EBF1: variants seen among roughly 807,000 people sequenced by gnomAD.
The protein encoded by EBF1 is transcription factor COE1.
In EBF1, 10 loss-of-function variants were observed where a neutral mutation model predicts 68.4. That is an observed-to-expected ratio of 0.15 (90% CI 0.09 to 0.25). EBF1 has a LOEUF of 0.25. Among genes scored for constraint, EBF1 ranks in the 10% least tolerant of loss-of-function variants. The pLI is 1.00. For synonymous variants in EBF1, 298 were observed against 299.8 expected, an observed-to-expected ratio of 0.99 and a Z score of 0.06; for missense variants, 509 against 794.4, an observed-to-expected ratio of 0.64 and a Z score of 4.32.
chr5:159,082,192 C>T (rs934905327), intron 5 of EBF1, among the ~76,000 whole-genome samples: 1 of 151,976 alleles, frequency 6.6e-6, no homozygotes, highest in Admixed American at 6.6e-5. Flanking sequence ...CTTGTCTTGT[C>T]GATCTAAATT....
At chr5:158,892,108 A>G (rs1033421384) in intron 6 of EBF1, among the ~76,000 whole-genome samples, 5 of 148,834 alleles carry the variant, frequency 3.4e-5, no homozygotes, top group Admixed American at 6.7e-5. Flanking sequence ...ACATACACAC[A>G]CATATTTATA....
Position 158,727,394 on chromosome 5 carries a change from T to C in EBF1, c.1125+3675A>G, listed in dbSNP as rs140283091. On this transcript the variant is annotated intron_variant, in intron 11 of 15. Coordinates refer to ENST00000313708, the MANE Select transcript of EBF1 (RefSeq NM_024007.5). Reference sequence around the variant, plus strand: ...CGCTCCTTGCCCAATGTGTCTGGATTGCATCACTGCGGCCATCAGCATCTC... The same window carrying C: ...CGCTCCTTGCCCAATGTGTCTGGATCGCATCACTGCGGCCATCAGCATCTC... Among the ~76,000 whole-genome samples, 630 of 152,332 alleles carry C rather than the reference T, an allele frequency of 4.1e-3. 1 individual carries two copies. Among genetic ancestry groups the C allele is most frequent in the Middle Eastern group, 0.01 (3 of 294 alleles).
chr5:158,946,929 G>GC (rs1814874154), intron 6 of EBF1, among the ~76,000 whole-genome samples: 1 of 152,234 alleles, frequency 6.6e-6, no homozygotes, highest in Non-Finnish European at 1.5e-5. Context: ...CAGCGGCTCT[G>GC]TGGCACTGCA....
intron 6 of EBF1, among the ~76,000 whole-genome samples, chr5:158,909,957 A>T (rs375213516): frequency 3.3e-3 from 98 of 29,314 alleles, no homozygotes; most frequent in African/African-American, 0.012. Context: ...CTCTGTCTAT[A>T]AAAAAAAAAA....
At position 158,874,342 on chromosome 5, in the gene EBF1, T is replaced by C. The variant is rs1797416629; in HGVS notation, c.555-34232A>G. On this transcript the variant is annotated intron_variant, in intron 6 of 15. Coordinates refer to ENST00000313708, the MANE Select transcript of EBF1 (RefSeq NM_024007.5). ...GCATGTTCCTACCCTCAAATAAATA[T>C]CAAGAATATAATCTATGTGGAAGAA... Among the ~76,000 whole-genome samples the C allele has an allele frequency of 2.0e-5, 3 of 152,038 alleles. No individual in the cohort carries two copies. In the South Asian group the frequency reaches 6.2e-4, roughly 32 times the overall value.
At chr5:158,763,165 C>T (rs557425108) in intron 10 of EBF1, among the ~76,000 whole-genome samples, 2 of 152,316 alleles carry the variant, frequency 1.3e-5, no homozygotes, top group African/African-American at 2.4e-5. Flanking sequence ...CACCAGGGGA[C>T]TGAGGCACAA....
At chr5:158,973,166 T>C (rs1240515990) in intron 6 of EBF1, among the ~76,000 whole-genome samples, 1 of 152,226 alleles carries the variant, frequency 6.6e-6, no homozygotes, top group African/African-American at 2.4e-5. Context: ...AGGGATTTTT[T>C]CACTCTTTTA....
At chr5:159,085,782 A>G (rs1195688197) in intron 4 of EBF1, among the ~76,000 whole-genome samples, 3 of 152,084 alleles carry the variant, frequency 2.0e-5, no homozygotes, top group Non-Finnish European at 4.4e-5. Context: ...AATATAGTAT[A>G]TATATCTTTA....
At chr5:158,763,017 A>C (rs954986936) in intron 10 of EBF1, among the ~76,000 whole-genome samples, 3 of 152,168 alleles carry the variant, frequency 2.0e-5, no homozygotes, top group Non-Finnish European at 4.4e-5. Context: ...ATCTCTTCTC[A>C]AACAGGTTTT....
intron 9 of EBF1, among the ~76,000 whole-genome samples, chr5:158,787,903 C>A (rs565278456): frequency 2.0e-5 from 3 of 152,280 alleles, no homozygotes; most frequent in African/African-American, 4.8e-5. Context: ...ACAATTATAT[C>A]TAAATATAAA....
intron 10 of EBF1, among the ~76,000 whole-genome samples, chr5:158,741,575 TAA>T (rs79547768): frequency 1.0e-3 from 129 of 128,990 alleles, no homozygotes; most frequent in Non-Finnish European, 9.6e-4. Flanking sequence ...ACCCTGTCTT[TAA>T]AAAAAAAAAA....
intron 6 of EBF1, among the ~76,000 whole-genome samples, chr5:158,931,286 C>T (rs1391683732): frequency 1.3e-5 from 2 of 152,204 alleles, no homozygotes; most frequent in Non-Finnish European, 2.9e-5. Flanking sequence ...ACATACTCCA[C>T]ACTTATTTAC....
chr5:158,855,505 G>A (rs1335096532), intron 6 of EBF1, among the ~76,000 whole-genome samples: 1 of 152,130 alleles, frequency 6.6e-6, no homozygotes, highest in Non-Finnish European at 1.5e-5. Flanking sequence ...AGAATGCCAA[G>A]CTCTTCCCCA....
chr5:159,025,652 A>C (rs910261431), intron 6 of EBF1, among the ~76,000 whole-genome samples: 3 of 152,166 alleles, frequency 2.0e-5, no homozygotes, highest in African/African-American at 7.2e-5. Context: ...CAGCCTTTTT[A>C]TTTCCAATCT....
intron 10 of EBF1, among the ~76,000 whole-genome samples, chr5:158,741,090 T>A (rs935176780): frequency 6.6e-6 from 1 of 152,244 alleles, no homozygotes; most frequent in African/African-American, 2.4e-5. Context: ...TTATTTCATT[T>A]TAAAATAATC....
At chr5:159,045,303 G>A (rs1443635042) in intron 6 of EBF1, among the ~76,000 whole-genome samples, 2 of 151,966 alleles carry the variant, frequency 1.3e-5, no homozygotes, top group African/African-American at 4.8e-5. Flanking sequence ...GAGCTGATGG[G>A]AGCAACTTTT....
chr5:158,714,322 G>A (rs763948989), intron 11 of EBF1, 140 bp from the exon 12 acceptor site: 7 of 870,718 alleles, frequency 8.0e-6, no homozygotes, highest in Non-Finnish European at 1.3e-5. Context: ...ACCCCAGAAG[G>A]GTGTTAAATC....
intron 6 of EBF1, among the ~76,000 whole-genome samples, chr5:158,904,926 T>C (rs1446057773): frequency 1.3e-5 from 2 of 152,216 alleles, no homozygotes; most frequent in Admixed American, 6.5e-5. Context: ...TGTGCCCTAC[T>C]ACAAGAAGTG....
At chr5:158,732,838 G>A (rs987198082) in intron 10 of EBF1, among the ~76,000 whole-genome samples, 3 of 152,012 alleles carry the variant, frequency 2.0e-5, no homozygotes, top group African/African-American at 7.2e-5. Flanking sequence ...TTAAGATAAT[G>A]TAATCATTTT....
Sources: gnomAD v4.1 joint callset for allele counts (sites outside exome capture counted in the v4.1 genomes callset) on GRCh38, gnomAD v4.1.1 for gene constraint, MANE v1.5 for transcripts, NCBI Gene and HGNC (gene_info 2026-07-23, HGNC 2026-07-21) for gene names.